Variants in USP32 observed in about 807,000 individuals in gnomAD.
The protein encoded by USP32 is ubiquitin specific peptidase 32, also known as ubiquitin carboxyl-terminal hydrolase 32.
USP32 carries 59 observed loss-of-function variants against 204.8 expected under a neutral mutation model. The observed-to-expected ratio is 0.29, with a 90% CI of 0.23 to 0.36. USP32 has a LOEUF of 0.36. USP32 is among the 10% of genes least tolerant of loss of function. The pLI, the probability that USP32 is intolerant of heterozygous loss-of-function variation, is 1.00. For synonymous variants in USP32, 517 were observed against 678.4 expected (o/e 0.76, Z 3.70); for missense variants, 1,160 against 1,946.4 (o/e 0.60, Z 7.60).
chr17:60,262,603 T>TTTG (rs1163952287), intron 9 of USP32, among the ~76,000 whole-genome samples: 1 of 152,156 alleles, frequency 6.6e-6, no homozygotes, highest in Admixed American at 6.5e-5. Context: ...TTCTCCATAG[T>TTTG]TTGGTATAAA....
At chr17:60,285,676 C>T (rs1441403528) in intron 5 of USP32, among the ~76,000 whole-genome samples, 3 of 151,862 alleles carry the variant, frequency 2.0e-5, no homozygotes, top group Non-Finnish European at 4.4e-5. Flanking sequence ...AAAAAGGGTA[C>T]AAGTAAGGTG....
chr17:60,236,882 G>A (rs558203970), intron 11 of USP32, among the ~76,000 whole-genome samples: 2 of 152,154 alleles, frequency 1.3e-5, no homozygotes, highest in East Asian at 1.9e-4. Context: ...TTGACTTTGC[G>A]TGTTTTTGTG....
At chr17:60,295,720 C>A (rs2145873466) in intron 3 of USP32, among the ~76,000 whole-genome samples, 1 of 152,246 alleles carries the variant, frequency 6.6e-6, no homozygotes, top group East Asian at 1.9e-4. Flanking sequence ...ACCAGATTCA[C>A]ATAAAACTTT....
chr17:60,322,092 A>T (rs2088126550), intron 2 of USP32, among the ~76,000 whole-genome samples: 1 of 152,138 alleles, frequency 6.6e-6, no homozygotes, highest in African/African-American at 2.4e-5. Flanking sequence ...AAATAGGCCC[A>T]CTGTTTTATA....
intron 26 of USP32, among the ~76,000 whole-genome samples, chr17:60,200,148 C>T (rs2084637554): frequency 6.6e-6 from 1 of 151,496 alleles, no homozygotes; most frequent in Non-Finnish European, 1.5e-5. Flanking sequence ...GAGCCGAGAT[C>T]GTGCCATTGC....
chr17:60,343,633 C>A (rs2088712579), intron 2 of USP32, among the ~76,000 whole-genome samples: 1 of 152,206 alleles, frequency 6.6e-6, no homozygotes, highest in East Asian at 1.9e-4. Context: ...ACCAGAATCT[C>A]TGGGACACAT....
chr17:60,387,213 G>C (rs946864097), intron 1 of USP32, among the ~76,000 whole-genome samples: 2 of 152,168 alleles, frequency 1.3e-5, no homozygotes, highest in Non-Finnish European at 2.9e-5. Flanking sequence ...GAAATTTTAA[G>C]ATTAATACTG....
intron 2 of USP32, among the ~76,000 whole-genome samples, chr17:60,308,299 G>A (rs928389586): frequency 3.3e-5 from 5 of 152,132 alleles, no homozygotes; most frequent in Non-Finnish European, 7.3e-5. Flanking sequence ...TGGGGCTTCA[G>A]GAGCTGTAAA....
intron 1 of USP32, among the ~76,000 whole-genome samples, chr17:60,397,503 A>G (rs533964734): frequency 1.2e-4 from 19 of 152,292 alleles, no homozygotes; most frequent in African/African-American, 4.6e-4. Flanking sequence ...CTGGAACTAC[A>G]GGTGCACACC....
chr17:60,180,423 A>G, intron 33 of USP32, 122 bp downstream of exon 33: 1 of 1,091,994 alleles, frequency 9.2e-7, no homozygotes, highest in South Asian at 1.5e-5. Context: ...CAGCATCTAT[A>G]TATTGATTCT....
chr17:60,258,297 CTGT>C (rs568420415), intron 9 of USP32: 7 of 178,484 alleles, frequency 3.9e-5, no homozygotes, highest in African/African-American at 1.7e-4. Context: ...AAGAGAAAAA[CTGT>C]TGTCAGTTTG....
In USP32 at chr17:60,219,493, CTG is replaced by C. The variant is rs1277262036; in HGVS notation, c.1867+175_1867+176del. 3 of 826,522 alleles carry C rather than the reference CTG, an allele frequency of 3.6e-6. No homozygotes were observed. The African/African-American group carries it at 5.4e-5, about 15-fold the overall frequency. The allele number at this position is 826,522 out of a possible 1,614,324, so 51.2% of individuals were successfully genotyped here. A position where few individuals can be genotyped will look rare whatever the true frequency, so the allele number is the denominator to read the frequency against. On this transcript the variant is annotated intron_variant, in intron 16 of 33. Transcript: ENST00000300896. ...GCCCTGTAAAAATTAATTACTGAGT[CTG>C]TAGGAAAGCTGATGGGAATGTGTAT... is the stretch of plus-strand genomic sequence containing the variant.
intron 18 of USP32, 76 bp from the exon 19 acceptor site, chr17:60,212,174 A>G: frequency 8.2e-7 from 1 of 1,221,964 alleles, no homozygotes; most frequent in Non-Finnish European, 1.2e-6. Context: ...TTTTTTTTAA[A>G]GACATCTTAT....
At chr17:60,273,030 G>A (rs562994263) in intron 5 of USP32, among the ~76,000 whole-genome samples, 19 of 152,234 alleles carry the variant, frequency 1.2e-4, no homozygotes, top group South Asian at 4.2e-4. Context: ...GTGCAGTGGC[G>A]TGATCTCGGC....
At chr17:60,223,150 A>G (rs1242262879) in intron 14 of USP32, among the ~76,000 whole-genome samples, 1 of 152,234 alleles carries the variant, frequency 6.6e-6, no homozygotes, top group Non-Finnish European at 1.5e-5. Context: ...AAAAATTCAT[A>G]CATAGCGTAT....
At chr17:60,340,496 G>C (rs2088631261) in intron 2 of USP32, among the ~76,000 whole-genome samples, 1 of 152,184 alleles carries the variant, frequency 6.6e-6, no homozygotes, top group African/African-American at 2.4e-5. Context: ...TACAACCCCT[G>C]CTTTTTTTGG....
chr17:60,368,961 A>C (rs559191839), intron 1 of USP32, among the ~76,000 whole-genome samples: 1 of 150,206 alleles, frequency 6.7e-6, no homozygotes, highest in Admixed American at 6.6e-5. Flanking sequence ...AAAAGGAGTT[A>C]GTACACATAC....
At chr17:60,297,342 T>G (rs1490248748) in intron 3 of USP32, among the ~76,000 whole-genome samples, 2 of 152,132 alleles carry the variant, frequency 1.3e-5, no homozygotes, top group African/African-American at 2.4e-5. Flanking sequence ...AAGGCTGCAG[T>G]GAGCTATCTT....
intron 1 of USP32, among the ~76,000 whole-genome samples, chr17:60,410,368 C>T (rs1303594668): frequency 6.6e-6 from 1 of 152,068 alleles, no homozygotes; most frequent in Non-Finnish European, 1.5e-5. Flanking sequence ...TCCAAACTAT[C>T]CTTTAAAAAC....
Sources: gnomAD v4.1 joint callset for allele counts (sites outside exome capture counted in the v4.1 genomes callset) on GRCh38, gnomAD v4.1.1 for gene constraint, MANE v1.5 for transcripts, NCBI Gene and HGNC (gene_info 2026-07-23, HGNC 2026-07-21) for gene names.